The following CLASP2 variants were observed in gnomAD, a reference collection of about 807,000 sequenced individuals.
CLASP2 encodes the protein CLIP-associating protein 2.
In CLASP2, 47 loss-of-function variants were observed where a neutral mutation model predicts 194.4. The ratio of observed to expected loss-of-function variants is 0.24; its 90% confidence interval spans 0.19 to 0.31. The LOEUF is 0.31. Ranked by LOEUF, CLASP2 falls within the 10% of genes least tolerant of loss-of-function variation. CLASP2 has a pLI of 1.00. For missense variants in CLASP2, 1,445 were observed against 1,823.6 expected (o/e 0.79, Z 3.78); for synonymous variants, 619 against 633.5 (o/e 0.98, Z 0.34).
chr3:33,535,615 G>A (rs1246496267), intron 33 of CLASP2, among the ~76,000 whole-genome samples, 154 bp from the exon 34 acceptor site: 2 of 152,128 alleles, frequency 1.3e-5, no homozygotes, highest in Non-Finnish European at 2.9e-5. Flanking sequence ...TCAACATTAT[G>A]AGTTACAATT....
chr3:33,634,550 T>G (rs940657859), intron 8 of CLASP2, among the ~76,000 whole-genome samples: 1 of 152,154 alleles, frequency 6.6e-6, no homozygotes, highest in Non-Finnish European at 1.5e-5. Context: ...TCAAAAAATA[T>G]CCTTTGACCA....
At chr3:33,590,097 T>G (rs993230559) in intron 21 of CLASP2, among the ~76,000 whole-genome samples, 1 of 152,150 alleles carries the variant, frequency 6.6e-6, no homozygotes, top group African/African-American at 2.4e-5. Flanking sequence ...TTTTTAAATT[T>G]TAAAAAATTA....
chr3:33,680,953 C>T (rs1041619823), intron 6 of CLASP2, among the ~76,000 whole-genome samples: 31 of 151,600 alleles, frequency 2.0e-4, no homozygotes, highest in Non-Finnish European at 4.0e-4. Context: ...GGCGAAACCC[C>T]GTCTCTACTA....
chr3:33,638,297 T>C (rs1222605793), intron 8 of CLASP2, among the ~76,000 whole-genome samples: 1 of 152,084 alleles, frequency 6.6e-6, no homozygotes, highest in Non-Finnish European at 1.5e-5. Context: ...TCTTTTTATT[T>C]TTTTATTTTT....
intron 33 of CLASP2, among the ~76,000 whole-genome samples, chr3:33,536,466 T>A (rs1472975005): frequency 6.6e-6 from 1 of 152,002 alleles, no homozygotes; most frequent in Non-Finnish European, 1.5e-5. Context: ...AAACAGCCAA[T>A]ACACAGATCC....
In CLASP2 at chr3:33,561,016, T is replaced by C. The variant is rs564809531; in HGVS notation, c.2767-45A>G. On this transcript the variant is annotated intron_variant, in intron 27 of 38. Coordinates refer to ENST00000682230, the MANE Select transcript of CLASP2 (RefSeq NM_001365631.1). ...GAGGTAGGGAGAAAAAAAGAGGAAA[T>C]ATTGACCTCTATGTTCAATTCAAAG... 114 of 1,519,440 alleles carry C rather than the reference T, an allele frequency of 7.5e-5. No individual in the cohort carries two copies. The South Asian group carries it at 1.2e-3, about 16-fold the overall frequency. The allele number at this position is 1,519,440 out of a possible 1,614,324, so 94.1% of individuals were successfully genotyped here.
intron 30 of CLASP2, 64 bp from the exon 31 acceptor site, chr3:33,544,905 C>A (rs375951021): frequency 4.0e-6 from 5 of 1,248,704 alleles, no homozygotes; most frequent in East Asian, 5.2e-5. Context: ...CCGTTTTCTT[C>A]CCCTACATTT....
intron 1 of CLASP2, among the ~76,000 whole-genome samples, chr3:33,704,926 C>T (rs2092600284): frequency 6.6e-6 from 1 of 152,026 alleles, no homozygotes; most frequent in Admixed American, 6.6e-5. Flanking sequence ...GTGATTGGAA[C>T]CCTTATATGC....
chr3:33,590,238 C>CT (rs2068425261), intron 21 of CLASP2, among the ~76,000 whole-genome samples: 1 of 152,184 alleles, frequency 6.6e-6, no homozygotes, highest in African/African-American at 2.4e-5. Flanking sequence ...TTCTCCTCTT[C>CT]ATTTTACAGA....
chr3:33,540,097 T>C (rs2058088186), intron 32 of CLASP2, among the ~76,000 whole-genome samples: 1 of 151,582 alleles, frequency 6.6e-6, no homozygotes, highest in African/African-American at 2.4e-5. Context: ...TCAGGCTAAT[T>C]TTTTGTATTT....
intron 4 of CLASP2, 83 bp from the exon 5 acceptor site, chr3:33,687,218 A>T (rs1287210955): frequency 1.2e-6 from 1 of 834,466 alleles, no homozygotes; most frequent in Non-Finnish European, 1.9e-6. Context: ...TCTTGTCTGT[A>T]GCAATATAAC....
chr3:33,645,089 T>C, intron 7 of CLASP2, 186 bp from the exon 8 acceptor site: 1 of 676,738 alleles, frequency 1.5e-6, no homozygotes, highest in East Asian at 2.7e-5. Flanking sequence ...TCCTCTGTAA[T>C]TCAAAATCAA....
At chr3:33,698,296 C>T (rs1041052436) in intron 1 of CLASP2, among the ~76,000 whole-genome samples, 1 of 152,134 alleles carries the variant, frequency 6.6e-6, no homozygotes, top group Non-Finnish European at 1.5e-5. Context: ...GATAAAAAGC[C>T]TTCTACCCCA....
rs1577059518 is a variant in CLASP2 at position 33,603,026 on chromosome 3, T to C, written c.1850A>G (p.His617Arg). ...GCTTCGCACAGACTGTCCAGCAGCA[T>C]GATGTGCCTTGGCACCTGCAGCAGC... Reference protein sequence around the residue: ...VNAAAGAKAHHAAGQSVRSGR... With the variant: ...VNAAAGAKAHRAAGQSVRSGR... Residue 617 changes from histidine (H) to arginine (R), a missense_variant, in exon 18 of 39, where the codon CAT becomes CGT. Transcript: ENST00000682230. 6.2e-7 allele frequency: 1 copy of C among 1,607,742 alleles called. No homozygotes were observed. Among genetic ancestry groups the C allele is most frequent in the Non-Finnish European group, 8.5e-7 (1 of 1,176,870 alleles).
At chr3:33,708,580 A>ACC (rs2092845086) in intron 1 of CLASP2, among the ~76,000 whole-genome samples, 2 of 145,750 alleles carry the variant, frequency 1.4e-5, no homozygotes, top group East Asian at 4.0e-4. Flanking sequence ...ACACACACAC[A>ACC]CCCCCCACAT....
chr3:33,512,891 G>A (rs545225478), intron 36 of CLASP2, among the ~76,000 whole-genome samples: 157 of 152,250 alleles, frequency 1.0e-3, no homozygotes, highest in Non-Finnish European at 2.1e-3. Flanking sequence ...TAGGGAGGCT[G>A]AGGCAGGAGA....
At chr3:33,606,924 C>T (rs1258858314) in intron 15 of CLASP2, among the ~76,000 whole-genome samples, 166 bp from the exon 16 acceptor site, 1 of 152,218 alleles carries the variant, frequency 6.6e-6, no homozygotes, top group Non-Finnish European at 1.5e-5. Flanking sequence ...AGTGGAAAGA[C>T]TGAAGGCTTT....
At chr3:33,648,559 C>T (rs2082661075) in intron 7 of CLASP2, among the ~76,000 whole-genome samples, 1 of 151,774 alleles carries the variant, frequency 6.6e-6, no homozygotes, top group African/African-American at 2.4e-5. Flanking sequence ...AAAATTTTAC[C>T]CACTTCCAAT....
chr3:33,646,624 T>C (rs1050747943), intron 7 of CLASP2, among the ~76,000 whole-genome samples: 108 of 152,112 alleles, frequency 7.1e-4, no homozygotes, highest in Middle Eastern at 3.4e-3. Flanking sequence ...ATTCTGTTCC[T>C]ACACACACAC....
Sources: allele counts gnomAD v4.1 joint callset (sites outside exome capture counted in the v4.1 genomes callset), GRCh38; gene constraint gnomAD v4.1.1; transcripts MANE v1.5; gene names NCBI Gene and HGNC (gene_info 2026-07-23, HGNC 2026-07-21).